Variants in KAZN observed in about 807,000 individuals in gnomAD.
The protein encoded by KAZN is kazrin, periplakin interacting protein.
Under a neutral mutation model 87.4 loss-of-function variants are expected in KAZN, and 40 were observed. The ratio of observed to expected loss-of-function variants is 0.46; its 90% confidence interval spans 0.36 to 0.60. KAZN has a LOEUF of 0.60. Ranked by LOEUF, KAZN falls within the 20% of genes least tolerant of loss-of-function variation. The pLI is 0.00. For missense variants in KAZN, 898 were observed against 1,073.9 expected (o/e 0.84, Z 2.29); for synonymous variants, 466 against 458.3 (o/e 1.02, Z -0.22).
At position 14,580,310 on chromosome 1, in the gene KAZN, T is replaced by C. The variant is rs138472120; in HGVS notation, c.250-18673T>C. Among the ~76,000 whole-genome samples, 201 of 152,192 alleles carry C rather than the reference T, an allele frequency of 1.3e-3. 1 individual carries two copies. Among genetic ancestry groups the C allele is most frequent in the African/African-American group, 4.3e-3 (180 of 41,524 alleles). On this transcript the variant is annotated intron_variant, in intron 2 of 16. Coordinates refer to the KAZN transcript ENST00000636203. ...GACCAACACGGGGAAACCCCATCTC[T>C]ACTAAAAATACAAAATTAGCCGAGC...
intron 2 of KAZN, among the ~76,000 whole-genome samples, chr1:14,345,252 G>A (rs1036752902): frequency 2.0e-5 from 3 of 152,158 alleles, no homozygotes; most frequent in African/African-American, 7.2e-5. Context: ...ATCTGCAGAG[G>A]CGTAAACCAG....
At chr1:14,963,422 G>T (rs545981917) in intron 2 of KAZN, among the ~76,000 whole-genome samples, 2 of 152,178 alleles carry the variant, frequency 1.3e-5, no homozygotes, top group Non-Finnish European at 2.9e-5. Context: ...CAGAAGCAGA[G>T]ACTTTTTCCC....
intron 2 of KAZN, among the ~76,000 whole-genome samples, chr1:14,403,345 C>A (rs1454963570): frequency 6.6e-6 from 1 of 152,018 alleles, no homozygotes; most frequent in Non-Finnish European, 1.5e-5. Flanking sequence ...AAGAAAATGT[C>A]TTTGAAGCTT....
chr1:14,993,848 C>T (rs1040952291), intron 2 of KAZN, among the ~76,000 whole-genome samples: 5 of 152,268 alleles, frequency 3.3e-5, no homozygotes, highest in Admixed American at 1.3e-4. Context: ...CGTAATGACC[C>T]GGATGTGTGT....
chr1:14,107,115 A>G (rs1644394675), intron 1 of KAZN, among the ~76,000 whole-genome samples: 1 of 146,060 alleles, frequency 6.8e-6, no homozygotes, highest in African/African-American at 2.6e-5. Flanking sequence ...CTCAATACCT[A>G]TTCAGGGAAG....
chr1:14,126,842 A>G (rs1165460099), intron 1 of KAZN, among the ~76,000 whole-genome samples: 1 of 152,192 alleles, frequency 6.6e-6, no homozygotes, highest in Non-Finnish European at 1.5e-5. Context: ...GCGGTGGGTC[A>G]CGCCTGTAAT....
At chr1:14,481,681 C>T (rs1481054070) in intron 2 of KAZN, among the ~76,000 whole-genome samples, 1 of 138,688 alleles carries the variant, frequency 7.2e-6, no homozygotes, top group Non-Finnish European at 1.6e-5. Context: ...ATTGTTTAGG[C>T]AAAAAAAAAA....
chr1:14,472,600 C>T (rs564764462), intron 2 of KAZN, among the ~76,000 whole-genome samples: 2 of 151,646 alleles, frequency 1.3e-5, no homozygotes, highest in South Asian at 4.2e-4. Context: ...TAGCAGAAAA[C>T]AGAATATTAA....
chr1:13,984,361 G>A (rs1256646643), intron 1 of KAZN, among the ~76,000 whole-genome samples: 8 of 152,280 alleles, frequency 5.3e-5, no homozygotes, highest in East Asian at 1.9e-4. Flanking sequence ...AACGGGCAAT[G>A]GGCTGTTCTT....
At chr1:14,217,735 TGAGA>T (rs1410730075) in intron 2 of KAZN, among the ~76,000 whole-genome samples, 1 of 151,950 alleles carries the variant, frequency 6.6e-6, no homozygotes. Context: ...TAACCAACAC[TGAGA>T]GAAAGTTAAT....
chr1:14,707,140 G>A (rs1642253484), intron 1 of KAZN, among the ~76,000 whole-genome samples: 1 of 152,174 alleles, frequency 6.6e-6, no homozygotes, highest in African/African-American at 2.4e-5. Flanking sequence ...GGATCAATGT[G>A]TAAAATGGAT....
chr1:14,647,416 C>T (rs933885913), intron 1 of KAZN, among the ~76,000 whole-genome samples: 6 of 152,096 alleles, frequency 3.9e-5, no homozygotes, highest in African/African-American at 1.4e-4. Flanking sequence ...TTTGCCTATT[C>T]CAAAGGTGTT....
intron 1 of KAZN, among the ~76,000 whole-genome samples, chr1:14,016,464 T>G (rs770458413): frequency 6.6e-6 from 1 of 152,150 alleles, no homozygotes; most frequent in African/African-American, 2.4e-5. Context: ...ATCTGTGGGA[T>G]TCAGATCTCT....
intron 1 of KAZN, among the ~76,000 whole-genome samples, chr1:14,861,541 G>C (rs577421437): frequency 5.9e-5 from 9 of 152,308 alleles, no homozygotes; most frequent in Middle Eastern, 3.4e-3. Flanking sequence ...ATTGAGTGCT[G>C]AAGTAGACCC....
At chr1:14,264,134 G>T (rs944963858) in intron 2 of KAZN, among the ~76,000 whole-genome samples, 3 of 152,190 alleles carry the variant, frequency 2.0e-5, no homozygotes, top group African/African-American at 2.4e-5. Flanking sequence ...CTCTCATGGA[G>T]TCTCACATAA....
intron 1 of KAZN, among the ~76,000 whole-genome samples, chr1:13,954,476 C>T (rs1463167284): frequency 1.3e-5 from 2 of 152,146 alleles, no homozygotes; most frequent in African/African-American, 2.4e-5. Flanking sequence ...AATCTGTGGT[C>T]TGTGTATGAG....
In KAZN at chr1:13,893,833, C is replaced by G. The variant is rs1570197102; in HGVS notation, c.91+77C>G. ...ATCCCGGGTCCCCAAAAACAGCGGTCTGTGTGTGTCTGTGTGTCTGTCAGT... is the reference window on the plus strand; with the variant it reads ...ATCCCGGGTCCCCAAAAACAGCGGTGTGTGTGTGTCTGTGTGTCTGTCAGT... On this transcript the variant is annotated intron_variant, in intron 1 of 16. Transcript: ENST00000636203. 12 of 1,457,974 alleles carry G rather than the reference C, an allele frequency of 8.2e-6. No individual in the cohort carries two copies. The East Asian group carries it at 3.0e-4, about 36-fold the overall frequency. 90.3% of individuals were successfully genotyped at this position (1,457,974 alleles called of 1,614,324 possible).
At chr1:14,467,039 TA>T (rs949204220) in intron 2 of KAZN, among the ~76,000 whole-genome samples, 7 of 152,196 alleles carry the variant, frequency 4.6e-5, no homozygotes, top group Non-Finnish European at 7.3e-5. Context: ...ACTACATTAG[TA>T]AACATAAAAG....
chr1:13,951,063 C>T (rs1641327305), intron 1 of KAZN, among the ~76,000 whole-genome samples: 1 of 152,146 alleles, frequency 6.6e-6, no homozygotes, highest in Non-Finnish European at 1.5e-5. Flanking sequence ...TTGGCTAATA[C>T]CCAGCCCTGT....
Sources: gnomAD v4.1 joint callset for allele counts (sites outside exome capture counted in the v4.1 genomes callset) on GRCh38, gnomAD v4.1.1 for gene constraint, MANE v1.5 for transcripts, NCBI Gene and HGNC (gene_info 2026-07-23, HGNC 2026-07-21) for gene names.